The following RANGAP1 variants were observed in gnomAD, a reference collection of about 807,000 sequenced individuals.
RANGAP1 encodes Ran GTPase activating protein 1, also known as ran GTPase-activating protein 1.
A neutral mutation model predicts 63.5 loss-of-function variants in RANGAP1; 38 were observed. The ratio of observed to expected loss-of-function variants is 0.60; its 90% CI spans 0.46 to 0.78. The LOEUF is 0.78. Ranked by LOEUF, RANGAP1 falls within the 30% of genes least tolerant of loss-of-function variation. RANGAP1 has a pLI of 0.00. For missense variants in RANGAP1, 630 were observed against 740.3 expected (o/e 0.85, Z 1.73); for synonymous variants, 329 against 310.5 (o/e 1.06, Z -0.63).
In RANGAP1 at chr22:41,252,969, G is replaced by A. The variant is rs1297639751; in HGVS notation, c.1283C>T (p.Ser428Phe). ...NTGEPAPVLSSPPPADVSTFL... is the reference protein window; with the variant it reads ...NTGEPAPVLSFPPPADVSTFL... ...GGTGGAGACGTCTGCAGGAGGTGGG[G>A]AGGACAGCACGGGAGCTGGCTCCTG... Residue 428 changes from serine (S) to phenylalanine (F), a missense_variant, in exon 12 of 16, where the codon TCC becomes TTC. Transcript: ENST00000356244. 6.5e-7 allele frequency: 1 copy of A among 1,534,318 alleles called. No individual in the cohort carries two copies. Among genetic ancestry groups the A allele is most frequent in the Non-Finnish European group, 8.7e-7 (1 of 1,143,902 alleles).
At chr22:41,280,882 C>T (rs1432079132) in intron 2 of RANGAP1, 51 bp downstream of exon 2, 5 of 1,610,464 alleles carry the variant, frequency 3.1e-6, no homozygotes, top group Non-Finnish European at 4.2e-6. Flanking sequence ...GAGTTCAGTA[C>T]ACTCCCTCTC....
intron 2 of RANGAP1, 56 bp from the exon 3 acceptor site, chr22:41,274,783 T>C (rs995987954): frequency 2.0e-5 from 32 of 1,603,444 alleles, no homozygotes; most frequent in Non-Finnish European, 2.4e-5. Context: ...ACAGCTAAGA[T>C]AGGAGAGAGG....
chr22:41,256,865 C>T, intron 7 of RANGAP1, 41 bp from the exon 8 acceptor site: 1 of 1,545,344 alleles, frequency 6.5e-7, no homozygotes, highest in Non-Finnish European at 8.9e-7. Flanking sequence ...GGGTGCAGAC[C>T]ACACCCCAGC....
At chr22:41,277,140 G>C (rs1264959550) in intron 2 of RANGAP1, among the ~76,000 whole-genome samples, 1 of 141,998 alleles carries the variant, frequency 7.0e-6, no homozygotes, top group African/African-American at 2.6e-5. Flanking sequence ...TGCAGTGGCG[G>C]GATCTCGGCT....
At chr22:41,265,392 G>A (rs1004083547) in intron 4 of RANGAP1, among the ~76,000 whole-genome samples, 2 of 152,178 alleles carry the variant, frequency 1.3e-5, no homozygotes, top group Admixed American at 6.6e-5. Flanking sequence ...GCACAGAAAG[G>A]GGGGCTGGAG....
chr22:41,301,848 G>A, the RANGAP1 span: 8 of 152,004 alleles, frequency 5.3e-5, no homozygotes, highest in African/African-American at 1.9e-4. Context: ...CGCGCGCGAG[G>A]GTTCGGGGAC....
At chr22:41,284,523 TG>T (rs2035658542) in intron 1 of RANGAP1, among the ~76,000 whole-genome samples, 1 of 150,592 alleles carries the variant, frequency 6.6e-6, no homozygotes. Flanking sequence ...GCTGAGATCG[TG>T]GCATTGCACT....
chr22:41,297,597 A>C, the RANGAP1 span, among the ~76,000 whole-genome samples: 1 of 136,440 alleles, frequency 7.3e-6, no homozygotes, highest in Non-Finnish European at 1.6e-5. Flanking sequence ...TGCTGCCTCC[A>C]CCTTCTTGGC....
chr22:41,299,564 G>A, the RANGAP1 span, among the ~76,000 whole-genome samples: 7 of 152,048 alleles, frequency 4.6e-5, no homozygotes, highest in Non-Finnish European at 7.4e-5. Flanking sequence ...CCACCGTGCC[G>A]AGCTACAGGG....
intron 3 of RANGAP1, among the ~76,000 whole-genome samples, chr22:41,269,633 G>A (rs1180902429): frequency 6.6e-6 from 1 of 151,340 alleles, no homozygotes; most frequent in Non-Finnish European, 1.5e-5. Context: ...CACTCTAGAG[G>A]CCACTCATTT....
At chr22:41,264,600 C>A in intron 5 of RANGAP1, 64 bp downstream of exon 5, 1 of 1,534,296 alleles carries the variant, frequency 6.5e-7, no homozygotes, top group South Asian at 1.2e-5. Context: ...AGGGCCAGGG[C>A]ACATATGTCA....
the RANGAP1 span, among the ~76,000 whole-genome samples, chr22:41,292,266 G>GTAGGAGAAT: frequency 2.0e-5 from 3 of 151,948 alleles, no homozygotes; most frequent in East Asian, 3.9e-4. Context: ...TCCTGCCTCA[G>GTAGGAGAAT]CCTCCCGAGT....
intron 13 of RANGAP1, 22 bp from the exon 14 acceptor site, chr22:41,249,839 G>C: frequency 1.3e-6 from 2 of 1,596,618 alleles, no homozygotes; most frequent in South Asian, 1.1e-5. Flanking sequence ...AAGCAGCAGG[G>C]GCAGGCTGCT....
rs373696241 is a variant in RANGAP1 at position 41,249,777 on chromosome 22, G to T, written c.1524C>A (p.Asn508Lys). The change falls in exon 14 of 16, where the codon AAC (asparagine) becomes AAA (lysine). Residue 508 changes from asparagine to lysine, a missense_variant. By Grantham distance (94) the Asn-to-Lys change is moderately conservative (BLOSUM62 0). Coordinates refer to ENST00000356244, the MANE Select transcript of RANGAP1 (RefSeq NM_002883.4). ...GCAGCCTGGTGAGGAAGGTGTTGGA[G>T]TTGAAGGACGAGGAGTTGAAAGCCT... ...MQKAFNSSSF[N>K]SNTFLTRLLV... The T allele has an allele frequency of 6.2e-7, 1 of 1,614,076 alleles. No homozygotes were observed. Among genetic ancestry groups the T allele is most frequent in the South Asian group, 1.1e-5 (1 of 91,086 alleles).
At chr22:41,283,680 G>T (rs2035613819) in intron 1 of RANGAP1, among the ~76,000 whole-genome samples, 1 of 152,168 alleles carries the variant, frequency 6.6e-6, no homozygotes. Flanking sequence ...AGGGGCAGAG[G>T]GTTGGAGAAA....
chr22:41,249,588 G>A, intron 14 of RANGAP1, 137 bp from the exon 15 acceptor site: 3 of 1,531,712 alleles, frequency 2.0e-6, no homozygotes, highest in Non-Finnish European at 2.7e-6. Context: ...CAAGGCTGCT[G>A]GGGCAGACCC....
intron 8 of RANGAP1, 83 bp downstream of exon 8, chr22:41,256,628 C>T: frequency 8.1e-7 from 1 of 1,227,896 alleles, no homozygotes; most frequent in Non-Finnish European, 1.2e-6. Flanking sequence ...GGCCCACCTG[C>T]CTTCAGACCA....
chr22:41,253,966 G>A (rs954191971), intron 11 of RANGAP1, among the ~76,000 whole-genome samples: 1 of 152,022 alleles, frequency 6.6e-6, no homozygotes, highest in Non-Finnish European at 1.5e-5. Context: ...AAATTAGCCA[G>A]GCGTGGTGGC....
rs1318488608 is a variant in RANGAP1 at position 41,246,540 on chromosome 22, C to T, written c.*63G>A. 2 of 1,463,792 alleles carry T rather than the reference C, an allele frequency of 1.4e-6. No individual in the cohort carries two copies. Among genetic ancestry groups the T allele is most frequent in the African/African-American group, 1.4e-5 (1 of 71,038 alleles). 90.7% of individuals were successfully genotyped at this position (1,463,792 alleles called of 1,614,324 possible). A position where few individuals can be genotyped will look rare whatever the true frequency, so the allele number is the denominator to read the frequency against. On this transcript the variant is annotated 3_prime_UTR_variant, in exon 16 of 16. Coordinates refer to ENST00000356244, the MANE Select transcript of RANGAP1 (RefSeq NM_002883.4). ...CAAGGCAATGGCGTAGGCTGCGCCT[C>T]AGTTCATCCGAGTCCCTCCCCAGCT...
Sources: allele counts gnomAD v4.1 joint callset (sites outside exome capture counted in the v4.1 genomes callset), GRCh38; gene constraint gnomAD v4.1.1; transcripts MANE v1.5; gene names NCBI Gene and HGNC (gene_info 2026-07-23, HGNC 2026-07-21).